The following DLX4 variants were observed in gnomAD, a reference collection of about 807,000 sequenced individuals.
The protein encoded by DLX4 is distal-less homeobox 4, also known as homeobox protein DLX-4.
Under a neutral mutation model 17.1 loss-of-function variants are expected in DLX4, and 13 were observed. The observed-to-expected ratio is 0.76, with a 90% CI of 0.49 to 1.21. The LOEUF (loss-of-function observed/expected upper bound fraction) is 1.21. DLX4 is among the 50% of genes most tolerant of loss of function. The probability of loss-of-function intolerance (pLI) is 0.00; values close to 1 mark genes in which losing one functional copy is unlikely to be tolerated. For synonymous variants in DLX4, 129 were observed against 140.3 expected, an observed-to-expected ratio of 0.92 and a Z score of 0.57; for missense variants, 297 against 301.4, an observed-to-expected ratio of 0.99 and a Z score of 0.11.
Position 49,973,265 on chromosome 17 carries a change from C to T in DLX4, c.476C>T (p.Thr159Ile), listed in dbSNP as rs765499246. ...QLAAQLGLTQ[T>I]QVKIWFQNKR... Reference sequence around the variant, plus strand: ...GCAGCGCAGCTCGGCCTCACCCAGACCCAGGTGGGGCCAGTGTCGTCCTTC... The same window carrying T: ...GCAGCGCAGCTCGGCCTCACCCAGATCCAGGTGGGGCCAGTGTCGTCCTTC... The change falls in exon 2 of 3, where the codon ACC (threonine) becomes ATC (isoleucine). Residue 159 changes from threonine to isoleucine, a missense_variant. By Grantham distance (89) the Thr-to-Ile change is moderately conservative. Coordinates refer to ENST00000240306, the MANE Select transcript of DLX4 (RefSeq NM_138281.3). 49 of 1,613,614 alleles carry T rather than the reference C, an allele frequency of 3.0e-5. No individual in the cohort carries two copies. Among genetic ancestry groups the T allele is most frequent in the Non-Finnish European group, 4.0e-5 (47 of 1,179,976 alleles).
rs1804049034 is a variant in DLX4 at position 49,969,290 on chromosome 17, C to T, written c.-179C>T. The stretch of plus-strand genomic sequence containing the variant: ...GGGGCACCCCCCCGGAACCCCTTTC[C>T]CAGGCGCGCGTTCTCCGCTGAAAGA... On this transcript the variant is annotated 5_prime_UTR_variant, in exon 1 of 3. Coordinates refer to ENST00000240306, the MANE Select transcript of DLX4 (RefSeq NM_138281.3). 4.4e-6 allele frequency: 3 copies of T among 683,978 alleles called. No individual in the cohort carries two copies. The highest frequency in any genetic ancestry group is 3.3e-5 in the East Asian group (1 of 30,746). The allele number at this position is 683,978 out of a possible 1,614,324, so 42.4% of individuals were successfully genotyped here.
Sources: gnomAD v4.1 joint callset for allele counts on GRCh38, gnomAD v4.1.1 for gene constraint, MANE v1.5 for transcripts, NCBI Gene and HGNC (gene_info 2026-07-23, HGNC 2026-07-21) for gene names.